Variants in PIN1 observed in about 807,000 individuals in gnomAD.
The protein encoded by PIN1 is peptidylprolyl cis/trans isomerase, NIMA-interacting 1.
PIN1 carries 8 observed loss-of-function variants against 19.9 expected under a neutral mutation model. The observed-to-expected ratio is 0.40, with a 90% CI of 0.24 to 0.72. The LOEUF is 0.72. PIN1 is among the 30% of genes least tolerant of loss of function. The pLI is 0.37. For missense variants in PIN1, 185 were observed against 226.5 expected, an observed-to-expected ratio of 0.82 and a Z score of 1.18; for synonymous variants, 86 against 90.8, an observed-to-expected ratio of 0.95 and a Z score of 0.30.
chr19:9,848,640 G>T, intron 3 of PIN1: 1 of 240,212 alleles, frequency 4.2e-6, no homozygotes, highest in South Asian at 5.6e-5. Context: ...AGTCCTCGGG[G>T]TCTACAGAAA....
intron 2 of PIN1, among the ~76,000 whole-genome samples, chr19:9,839,343 G>A (rs920958514): frequency 6.6e-6 from 1 of 150,924 alleles, no homozygotes; most frequent in Non-Finnish European, 1.5e-5. Flanking sequence ...CTGAGGCAGG[G>A]AGGCAGAGGT....
chr19:9,835,664 C>A, intron 1 of PIN1: 1 of 462,372 alleles, frequency 2.2e-6, no homozygotes, highest in East Asian at 3.7e-5. Flanking sequence ...CTGGCCCTGC[C>A]GGCCCGGCTG....
chr19:9,838,768 CA>C lies in PIN1; in HGVS notation c.271+125del. ...CTGCCAGGCGTGGTGTTGGCCAACA[CA>C]AAAACGCCAGTGCATGACCTGACCC... On this transcript the variant is annotated intron_variant, in intron 2 of 3. Transcript: ENST00000247970. This position sits in a 1 kb window ranked among gnomAD's most constrained non-coding sequence, Gnocchi z 5.8. The C allele has an allele frequency of 1.4e-6, 1 of 731,882 alleles. No individual in the cohort carries two copies. Among genetic ancestry groups the C allele is most frequent in the Non-Finnish European group, 2.2e-6 (1 of 445,918 alleles). The allele number at this position is 731,882 out of a possible 1,614,324, so 45.3% of individuals were successfully genotyped here.
chr19:9,842,624 C>T (rs189799697), intron 2 of PIN1, among the ~76,000 whole-genome samples: 26 of 152,334 alleles, frequency 1.7e-4, no homozygotes, highest in African/African-American at 4.8e-4. Context: ...CCTTGGCACA[C>T]GACCTCCCTC....
At chr19:9,847,225 A>G in intron 2 of PIN1, among the ~76,000 whole-genome samples, 1 of 152,158 alleles carries the variant, frequency 6.6e-6, no homozygotes, top group East Asian at 1.9e-4. Context: ...AACGTGAGTC[A>G]CTCAGATGCT....
intron 2 of PIN1, among the ~76,000 whole-genome samples, chr19:9,839,844 A>T (rs917102698): frequency 1.3e-5 from 2 of 152,056 alleles, no homozygotes; most frequent in East Asian, 1.9e-4. Flanking sequence ...CTAAAAAAAT[A>T]AAAAAATTAG....
intron 2 of PIN1, among the ~76,000 whole-genome samples, chr19:9,842,755 G>A (rs1051951937): frequency 2.0e-5 from 3 of 152,182 alleles, no homozygotes; most frequent in Admixed American, 6.5e-5. Flanking sequence ...GTGCAGTGTC[G>A]GCGCAGGCAT....
Position 9,835,341 on chromosome 19 carries a change from G to A in PIN1, c.-4G>A, listed in dbSNP as rs1191514281. On this transcript the variant is annotated 5_prime_UTR_variant, in exon 1 of 4. Coordinates refer to ENST00000247970, the MANE Select transcript of PIN1 (RefSeq NM_006221.4). ...GCGGAGCAGGCGCTGCGGCAGGAGG[G>A]AAGATGGCGGACGAGGAGAAGCTGC... is the stretch of plus-strand genomic sequence containing the variant. 6 of 1,524,550 alleles carry A rather than the reference G, an allele frequency of 3.9e-6. No homozygotes were observed. In the South Asian group the frequency reaches 6.0e-5, roughly 15 times the overall value. 94.4% of individuals were successfully genotyped at this position (1,524,550 alleles called of 1,614,324 possible).
intron 3 of PIN1, chr19:9,848,564 C>T: frequency 3.7e-6 from 1 of 271,760 alleles, no homozygotes; most frequent in Non-Finnish European, 7.2e-6. Context: ...GAGTTTAGGC[C>T]TGTCTGGCCA....
rs2046128202 is a variant in PIN1, at chr19:9,838,135, C to T, written c.59-301C>T. 4 of 448,144 alleles carry T rather than the reference C, an allele frequency of 8.9e-6. No homozygotes were observed. Among genetic ancestry groups the T allele is most frequent in the Non-Finnish European group, 1.2e-5 (3 of 240,608 alleles). 27.8% of individuals were successfully genotyped at this position (448,144 alleles called of 1,614,324 possible). ...TCCCTGTCCCCCAGCTTCCTCTGTTCCATCACTCTGGGTTATTTTCCTCCT... is the reference window on the plus strand; with the variant it reads ...TCCCTGTCCCCCAGCTTCCTCTGTTTCATCACTCTGGGTTATTTTCCTCCT... On this transcript the variant is annotated intron_variant, in intron 1 of 3. Coordinates refer to ENST00000247970, the MANE Select transcript of PIN1 (RefSeq NM_006221.4). This position sits in a 1 kb window ranked among gnomAD's most constrained non-coding sequence, Gnocchi z 5.8.
In PIN1 at chr19:9,838,751, C is replaced by T. The variant is rs550663356; in HGVS notation, c.271+103C>T. Reference sequence around the variant, plus strand: ...CACCCCAGCTTGCTCAGCTGCCAGGCGTGGTGTTGGCCAACACAAAAACGC... The same window carrying T: ...CACCCCAGCTTGCTCAGCTGCCAGGTGTGGTGTTGGCCAACACAAAAACGC... On this transcript the variant is annotated intron_variant, in intron 2 of 3. Coordinates refer to ENST00000247970, the MANE Select transcript of PIN1 (RefSeq NM_006221.4). This position sits in a 1 kb window ranked among gnomAD's most constrained non-coding sequence, Gnocchi z 5.8. 131 of 944,096 alleles carry T rather than the reference C, an allele frequency of 1.4e-4. 1 individual carries two copies. The African/African-American group carries it at 1.9e-3, about 14-fold the overall frequency. 58.5% of individuals were successfully genotyped at this position (944,096 alleles called of 1,614,324 possible).
At position 9,838,680 on chromosome 19, in the gene PIN1, G is replaced by C; in HGVS notation, c.271+32G>C. On this transcript the variant is annotated intron_variant, in intron 2 of 3. Coordinates refer to ENST00000247970, the MANE Select transcript of PIN1 (RefSeq NM_006221.4). The surrounding 1 kb of genome is among the most constrained non-coding windows in gnomAD (Gnocchi z 5.8). ...AGGGCGAGGGCAGGGGCTTGGGAGGGGGTCTTCTCCCAGGTGAGCCTTTGT... is the reference window on the plus strand; with the variant it reads ...AGGGCGAGGGCAGGGGCTTGGGAGGCGGTCTTCTCCCAGGTGAGCCTTTGT... 1 of 1,477,714 alleles carries C rather than the reference G, an allele frequency of 6.8e-7. No individual in the cohort carries two copies. Among genetic ancestry groups the C allele is most frequent in the Non-Finnish European group, 9.1e-7 (1 of 1,094,118 alleles). 91.5% of individuals were successfully genotyped at this position (1,477,714 alleles called of 1,614,324 possible).
rs1478537076 is a variant in PIN1 at position 9,846,708 on chromosome 19, G to A, written c.272-1322G>A. 2.6e-5 allele frequency among the ~76,000 whole-genome samples: 4 copies of A among 152,248 alleles called. No individual in the cohort carries two copies. The East Asian group carries it at 5.8e-4, about 22-fold the overall frequency. ...CTAGGTCACCCAGCAGTGTTCCCGT[G>A]GGTCTCCAACAGGCTCCAGGCCAGT... On this transcript the variant is annotated intron_variant, in intron 2 of 3. Coordinates refer to ENST00000247970, the MANE Select transcript of PIN1 (RefSeq NM_006221.4). The surrounding 1 kb of genome is among the most constrained non-coding windows in gnomAD (Gnocchi z 5.9).
At position 9,836,502 on chromosome 19, in the gene PIN1, G is replaced by C. The variant is rs577248768; in HGVS notation, c.58+1100G>C. The C allele has an allele frequency of 7.0e-4, 145 of 207,566 alleles. 1 individual carries two copies. In the South Asian group the frequency reaches 0.01, roughly 14 times the overall value. 12.9% of individuals were successfully genotyped at this position (207,566 alleles called of 1,614,324 possible). A position where few individuals can be genotyped will look rare whatever the true frequency, so the allele number is the denominator to read the frequency against. On this transcript the variant is annotated intron_variant, in intron 1 of 3. Coordinates refer to ENST00000247970, the MANE Select transcript of PIN1 (RefSeq NM_006221.4). The stretch of plus-strand genomic sequence containing the variant: ...GTGGCTGGGACCTCCAGCATAAACC[G>C]GATGCTCTGCCCAGCTCTGGGCCCA...
chr19:9,836,570 A>G (rs903203945), intron 1 of PIN1: 7 of 304,646 alleles, frequency 2.3e-5, no homozygotes, highest in Non-Finnish European at 4.6e-5. Flanking sequence ...GGCTTCCTTT[A>G]TGGGTGACAC....
At chr19:9,835,845 A>C in intron 1 of PIN1, 19 of 170,116 alleles carry the variant, frequency 1.1e-4, no homozygotes, top group East Asian at 4.9e-4. Flanking sequence ...TGTACACCTA[A>C]TGCTGAGTCT....
At chr19:9,835,811 C>G in intron 1 of PIN1, 1 of 215,262 alleles carries the variant, frequency 4.6e-6, no homozygotes, top group Non-Finnish European at 9.1e-6. Context: ...GGTCCACAAC[C>G]TACCCCTGCT....
intron 2 of PIN1, among the ~76,000 whole-genome samples, chr19:9,840,481 C>T (rs539112431): frequency 7.9e-4 from 120 of 152,350 alleles, no homozygotes; most frequent in African/African-American, 2.7e-3. Flanking sequence ...CCTGGGCTGT[C>T]CCTACTCCAA....
Position 9,838,563 on chromosome 19 carries a change from G to A in PIN1, c.186G>A (p.Val62=), listed in dbSNP as rs916809955. The change falls in exon 2 of 4, where the codon GTG becomes GTA. Residue 62 remains valine, a synonymous_variant. Transcript: ENST00000247970. This position sits in a 1 kb window ranked among gnomAD's most constrained non-coding sequence, Gnocchi z 5.8. The part of the protein sequence containing the change: ...PARVRCSHLL[V]KHSQSRRPSS... Reference sequence around the variant, plus strand: ...GGGTCCGCTGCTCGCACCTGCTGGTGAAGCACAGCCAGTCACGGCGGCCCT... The same window carrying A: ...GGGTCCGCTGCTCGCACCTGCTGGTAAAGCACAGCCAGTCACGGCGGCCCT... The A allele has an allele frequency of 1.9e-6, 3 of 1,579,554 alleles. No homozygotes were observed. The highest frequency in any genetic ancestry group is 2.7e-5 in the African/African-American group (2 of 74,726).
Sources: gnomAD v4.1 joint callset for allele counts (sites outside exome capture counted in the v4.1 genomes callset) on GRCh38, gnomAD v4.1.1 for gene constraint, Gnocchi (gnomAD v3.1) non-coding constraint, MANE v1.5 for transcripts, NCBI Gene and HGNC (gene_info 2026-07-23, HGNC 2026-07-21) for gene names.